The following CORO2B variants were observed in gnomAD, a reference collection of about 807,000 sequenced individuals.
CORO2B encodes coronin-2B.
A neutral mutation model predicts 58.8 loss-of-function variants in CORO2B; 26 were observed. The observed-to-expected ratio is 0.44, with a 90% CI of 0.32 to 0.61. The LOEUF (loss-of-function observed/expected upper bound fraction) is 0.61, where lower values mean the gene tolerates loss of function less well. Ranked by LOEUF, CORO2B falls within the 20% of genes least tolerant of loss-of-function variation. CORO2B has a pLI of 0.04. For missense variants in CORO2B, 460 were observed against 645.1 expected (o/e 0.71, Z 3.11); for synonymous variants, 242 against 253.8 (o/e 0.95, Z 0.44).
chr15:68,724,758 A>T (rs1352713353), intron 11 of CORO2B, among the ~76,000 whole-genome samples: 2 of 152,240 alleles, frequency 1.3e-5, no homozygotes, highest in African/African-American at 4.8e-5. Context: ...CACACCAGAA[A>T]GTTTGAGACC....
At chr15:68,707,504 G>T (rs144097837) in intron 3 of CORO2B, among the ~76,000 whole-genome samples, 143 of 152,274 alleles carry the variant, frequency 9.4e-4, no homozygotes, top group African/African-American at 3.3e-3. Context: ...AATAGAGGTC[G>T]ATTATATTCA....
the CORO2B span, among the ~76,000 whole-genome samples, chr15:68,532,280 C>T: frequency 3.3e-5 from 5 of 152,142 alleles, no homozygotes; most frequent in East Asian, 1.9e-4. Context: ...ACTTTAGCTA[C>T]GTATGTATTA....
At chr15:68,533,599 G>C in the CORO2B span, among the ~76,000 whole-genome samples, 15 of 152,196 alleles carry the variant, frequency 9.9e-5, no homozygotes, top group Admixed American at 2.6e-4. Context: ...GTGGTAAAAA[G>C]AGAGAAGTCA....
At chr15:68,541,340 C>T in the CORO2B span, among the ~76,000 whole-genome samples, 7 of 152,036 alleles carry the variant, frequency 4.6e-5, no homozygotes, top group African/African-American at 1.4e-4. Context: ...GTCCTATTGG[C>T]ACCAAGTAGT....
chr15:68,595,006 G>A (rs568384850), intron 1 of CORO2B, among the ~76,000 whole-genome samples: 30 of 152,290 alleles, frequency 2.0e-4, no homozygotes, highest in African/African-American at 5.5e-4. Flanking sequence ...CTAGCTGTCC[G>A]TGCAGTTCTA....
intron 1 of CORO2B, among the ~76,000 whole-genome samples, chr15:68,581,465 A>G (rs1444556078): frequency 1.3e-5 from 2 of 152,166 alleles, no homozygotes; most frequent in Non-Finnish European, 2.9e-5. Flanking sequence ...ACCATAGGGA[A>G]AGCCACCATG....
At chr15:68,700,545 C>G (rs1034973636) in intron 3 of CORO2B, among the ~76,000 whole-genome samples, 1 of 152,120 alleles carries the variant, frequency 6.6e-6, no homozygotes, top group African/African-American at 2.4e-5. Flanking sequence ...TCCTCCATCC[C>G]GCCAGGGATC....
the CORO2B span, among the ~76,000 whole-genome samples, chr15:68,573,249 G>A: frequency 6.6e-6 from 1 of 152,118 alleles, no homozygotes; most frequent in African/African-American, 2.4e-5. Flanking sequence ...CAGAGGCCAC[G>A]GAGAAAAGGC....
chr15:68,600,600 T>G (rs1171414951), intron 1 of CORO2B, among the ~76,000 whole-genome samples: 1 of 152,224 alleles, frequency 6.6e-6, no homozygotes, highest in Non-Finnish European at 1.5e-5. Context: ...TCTGTGGATG[T>G]GGCTTTTGGG....
At chr15:68,519,860 A>C in the CORO2B span, among the ~76,000 whole-genome samples, 2 of 152,246 alleles carry the variant, frequency 1.3e-5, no homozygotes, top group Non-Finnish European at 2.9e-5. Flanking sequence ...GTATCTTGAG[A>C]TAAATATTAG....
chr15:68,656,630 C>T (rs1175882764), intron 2 of CORO2B, among the ~76,000 whole-genome samples: 3 of 152,120 alleles, frequency 2.0e-5, no homozygotes, highest in African/African-American at 7.2e-5. Flanking sequence ...AACAGCAACA[C>T]CTTAGAGACT....
intron 2 of CORO2B, among the ~76,000 whole-genome samples, chr15:68,673,111 G>A (rs2140296946): frequency 6.6e-6 from 1 of 152,288 alleles, no homozygotes; most frequent in South Asian, 2.1e-4. Context: ...TAAGCCGGTA[G>A]GTGGGTGGTG....
chr15:68,574,787 C>T (rs1041288583), upstream of CORO2B, among the ~76,000 whole-genome samples: 2 of 152,112 alleles, frequency 1.3e-5, no homozygotes, highest in Admixed American at 6.5e-5. Context: ...ATCAGGCGAC[C>T]ATGGATACAG....
At position 68,640,810 on chromosome 15, in the gene CORO2B, T is replaced by C. The variant is rs186248403; in HGVS notation, c.16-4350T>C. 1.6e-4 allele frequency among the ~76,000 whole-genome samples: 25 copies of C among 152,310 alleles called. 2 individuals carry two copies. The East Asian group carries it at 4.6e-3, about 28-fold the overall frequency. On this transcript the variant is annotated intron_variant, in intron 1 of 11. Transcript: ENST00000261861. Reference sequence around the variant, plus strand: ...ATGATTTTTGCAAGTTCTTTTCCTGTAATTCCACAGAAGTAGAAAGAAAGA... The same window carrying C: ...ATGATTTTTGCAAGTTCTTTTCCTGCAATTCCACAGAAGTAGAAAGAAAGA...
chr15:68,645,081 TC>T lies in CORO2B; in HGVS notation c.16-76del. 6.8e-7 allele frequency: 1 copy of T among 1,465,356 alleles called. No homozygotes were observed. The allele number at this position is 1,465,356 out of a possible 1,614,324, so 90.8% of individuals were successfully genotyped here. ...CCTGCTGCACCTCTGAGCCGCAGCTTCCCTCCCCCAAGAGCCCAGCCGAGGC... is the reference window on the plus strand; with the variant it reads ...CCTGCTGCACCTCTGAGCCGCAGCTTCCTCCCCCAAGAGCCCAGCCGAGGC... On this transcript the variant is annotated intron_variant, in intron 1 of 11. Transcript: ENST00000261861. The surrounding 1 kb of genome is among the most constrained non-coding windows in gnomAD (Gnocchi z 4.5).
At chr15:68,605,159 C>A (rs967552501) in intron 1 of CORO2B, among the ~76,000 whole-genome samples, 1 of 151,972 alleles carries the variant, frequency 6.6e-6, no homozygotes, top group Non-Finnish European at 1.5e-5. Context: ...AAACTTCAAT[C>A]TCCCAGCTGC....
At chr15:68,576,173 A>AAAAAAAGAAAG (rs1555409381), upstream of CORO2B, among the ~76,000 whole-genome samples, 24 of 103,846 alleles carry the variant, frequency 2.3e-4, no homozygotes, top group African/African-American at 3.0e-4. Context: ...AAAAAAAAAA[A>AAAAAAAGAAAG]AAAGAAAGAA....
intron 3 of CORO2B, among the ~76,000 whole-genome samples, chr15:68,699,028 T>C (rs16952398): frequency 1.3e-5 from 2 of 151,880 alleles, no homozygotes; most frequent in South Asian, 4.2e-4. Flanking sequence ...AAGCAGGACA[T>C]TGACAGACAG....
the CORO2B span, among the ~76,000 whole-genome samples, chr15:68,573,737 A>G: frequency 6.6e-6 from 1 of 152,208 alleles, no homozygotes; most frequent in Non-Finnish European, 1.5e-5. Flanking sequence ...ACTAAGTGAA[A>G]GAGCCAGTCC....
Sources: gnomAD v4.1 joint callset for allele counts (sites outside exome capture counted in the v4.1 genomes callset) on GRCh38, gnomAD v4.1.1 for gene constraint, Gnocchi (gnomAD v3.1) non-coding constraint, MANE v1.5 for transcripts, NCBI Gene and HGNC (gene_info 2026-07-23, HGNC 2026-07-21) for gene names.